MALRD1: variants seen among roughly 807,000 people sequenced by gnomAD.
MALRD1 encodes the protein MAM and LDL-receptor class A domain-containing protein 1.
In MALRD1, 247 loss-of-function variants were observed where a neutral mutation model predicts 242.1. The ratio of observed to expected loss-of-function variants is 1.02; its 90% CI spans 0.92 to 1.13. The LOEUF is 1.13. MALRD1 is among the 50% of genes most tolerant of loss of function. MALRD1 has a pLI of 0.00. For missense variants in MALRD1, 2,989 were observed against 2,533.1 expected (o/e 1.18, Z -3.86); for synonymous variants, 995 against 866.6 (o/e 1.15, Z -2.60).
chr10:19,405,128 G>A (rs1287006736), intron 28 of MALRD1, among the ~76,000 whole-genome samples: 3 of 152,052 alleles, frequency 2.0e-5, no homozygotes, highest in Admixed American at 6.6e-5. Flanking sequence ...ATATATACAC[G>A]TTACCTCAAC....
chr10:19,270,317 TTC>T (rs143248846), intron 19 of MALRD1, among the ~76,000 whole-genome samples: 2,293 of 132,982 alleles, frequency 0.017, 40 homozygotes, highest in Admixed American at 0.028. Flanking sequence ...TCTCTCTCTC[TTC>T]TCTCTCTCTC....
intron 14 of MALRD1, among the ~76,000 whole-genome samples, chr10:19,194,242 TAAAG>T (rs1836130237): frequency 6.6e-6 from 1 of 152,110 alleles, no homozygotes; most frequent in Non-Finnish European, 1.5e-5. Flanking sequence ...AACATAAACA[TAAAG>T]AAAATAAACG....
At chr10:19,656,806 T>G (rs1440660184) in intron 36 of MALRD1, among the ~76,000 whole-genome samples, 1 of 152,126 alleles carries the variant, frequency 6.6e-6, no homozygotes, top group Non-Finnish European at 1.5e-5. Flanking sequence ...CTTGTCTTCT[T>G]GAAGCATTTT....
intron 34 of MALRD1, among the ~76,000 whole-genome samples, chr10:19,595,748 C>T (rs906855518): frequency 3.9e-5 from 6 of 152,112 alleles, no homozygotes; most frequent in East Asian, 1.9e-4. Context: ...ATCTCATTAA[C>T]GTGTTTATGG....
intron 25 of MALRD1, 86 bp downstream of exon 25, chr10:19,348,104 G>T (rs912982156): frequency 9.7e-6 from 14 of 1,442,492 alleles, no homozygotes; most frequent in African/African-American, 1.4e-5. Flanking sequence ...AAACAGAGTG[G>T]CTGGGGCCAG....
intron 21 of MALRD1, among the ~76,000 whole-genome samples, chr10:19,304,152 A>T (rs1191951508): frequency 6.6e-6 from 1 of 151,710 alleles, no homozygotes; most frequent in Non-Finnish European, 1.5e-5. Context: ...TGAGGAACAA[A>T]AAGACAGCGG....
At chr10:19,262,998 CATAT>C (rs1564512273) in intron 19 of MALRD1, among the ~76,000 whole-genome samples, 1 of 152,082 alleles carries the variant, frequency 6.6e-6, no homozygotes, top group African/African-American at 2.4e-5. Context: ...TTCCAATGTA[CATAT>C]ATATTAGATT....
intron 33 of MALRD1, among the ~76,000 whole-genome samples, chr10:19,569,697 A>G (rs1480922756): frequency 6.8e-6 from 1 of 147,010 alleles, no homozygotes; most frequent in Non-Finnish European, 1.5e-5. Flanking sequence ...TATTGTTAAT[A>G]TTATTATATT....
At chr10:19,218,653 A>G (rs1245337701) in intron 18 of MALRD1, among the ~76,000 whole-genome samples, 1 of 152,150 alleles carries the variant, frequency 6.6e-6, no homozygotes, top group African/African-American at 2.4e-5. Context: ...TTTATTCTAC[A>G]GGTAGAGAAA....
intron 12 of MALRD1, among the ~76,000 whole-genome samples, chr10:19,161,495 G>A (rs1588631593): frequency 9.4e-6 from 1 of 106,042 alleles, no homozygotes; most frequent in Non-Finnish European, 1.9e-5. Flanking sequence ...CTAAAACTTA[G>A]AGTATAATAA....
intron 36 of MALRD1, among the ~76,000 whole-genome samples, chr10:19,640,035 C>T (rs557043259): frequency 6.6e-6 from 1 of 152,230 alleles, no homozygotes; most frequent in Admixed American, 6.5e-5. Context: ...CAGTTACTCC[C>T]CATTGACTGT....
At chr10:19,445,550 G>A (rs1834924611) in intron 28 of MALRD1, among the ~76,000 whole-genome samples, 1 of 152,176 alleles carries the variant, frequency 6.6e-6, no homozygotes, top group Admixed American at 6.5e-5. Flanking sequence ...ACCCTCAGCT[G>A]CAGGTTTGCT....
At chr10:19,074,467 T>C (rs917106290) in intron 2 of MALRD1, among the ~76,000 whole-genome samples, 2 of 152,142 alleles carry the variant, frequency 1.3e-5, no homozygotes, top group African/African-American at 2.4e-5. Context: ...GGGTGAACTA[T>C]ATGAGATTTT....
chr10:19,173,191 T>G (rs1835085863), intron 13 of MALRD1, among the ~76,000 whole-genome samples: 1 of 152,160 alleles, frequency 6.6e-6, no homozygotes, highest in Non-Finnish European at 1.5e-5. Context: ...CTTGGAAATC[T>G]AAACCATTGT....
intron 33 of MALRD1, among the ~76,000 whole-genome samples, chr10:19,591,012 A>T (rs764115653): frequency 2.0e-5 from 3 of 152,180 alleles, no homozygotes; most frequent in African/African-American, 7.2e-5. Context: ...ACATACAGTT[A>T]GTTTCACCGC....
chr10:19,342,590 C>T (rs555330279), intron 24 of MALRD1, among the ~76,000 whole-genome samples: 11 of 152,088 alleles, frequency 7.2e-5, no homozygotes, highest in Non-Finnish European at 1.3e-4. Context: ...CTAATCCCAA[C>T]GTGGGCTTTC....
chr10:19,156,430 T>C (rs1015599059), intron 12 of MALRD1, among the ~76,000 whole-genome samples: 2 of 149,760 alleles, frequency 1.3e-5, no homozygotes, highest in Non-Finnish European at 3.0e-5. Flanking sequence ...TCCTATAAGA[T>C]AGACAGAAAA....
chr10:19,677,660 T>C (rs1490751391), intron 36 of MALRD1, among the ~76,000 whole-genome samples: 1 of 152,190 alleles, frequency 6.6e-6, no homozygotes, highest in Non-Finnish European at 1.5e-5. Context: ...GTGCAGAAGC[T>C]CTTTAGTATA....
chr10:19,539,894 G>C lies in MALRD1; in HGVS notation c.5478+8543G>C, dbSNP rs1405442259. The stretch of plus-strand genomic sequence containing the variant: ...TGTGTGTGTGTGTGTGTGTGTGTGT[G>C]TGTGCGCGCGCGCGTGCGCGCACAC... On this transcript the variant is annotated intron_variant, in intron 32 of 39. Coordinates refer to ENST00000454679, the MANE Select transcript of MALRD1 (RefSeq NM_001142308.3). 4.8e-5 allele frequency among the ~76,000 whole-genome samples: 3 copies of C among 63,156 alleles called. No homozygotes were observed. The East Asian group carries it at 1.2e-3, about 26-fold the overall frequency. The allele number at this position is 63,156 out of a possible 152,430, so 41.4% of individuals were successfully genotyped here.
Sources: gnomAD v4.1 joint callset for allele counts (sites outside exome capture counted in the v4.1 genomes callset) on GRCh38, gnomAD v4.1.1 for gene constraint, MANE v1.5 for transcripts, NCBI Gene and HGNC (gene_info 2026-07-23, HGNC 2026-07-21) for gene names.